CDH18: variants seen among roughly 807,000 people sequenced by gnomAD.
The protein encoded by CDH18 is cadherin 18.
Under a neutral mutation model 67.9 loss-of-function variants are expected in CDH18, and 31 were observed. The ratio of observed to expected loss-of-function variants is 0.46; its 90% CI spans 0.34 to 0.62. CDH18 has a LOEUF of 0.62. Ranked by LOEUF, CDH18 falls within the 20% of genes least tolerant of loss-of-function variation. CDH18 has a pLI of 0.01. For synonymous variants in CDH18, 362 were observed against 347.2 expected, an observed-to-expected ratio of 1.04 and a Z score of -0.48; for missense variants, 890 against 975.5, an observed-to-expected ratio of 0.91 and a Z score of 1.17.
At chr5:20,411,260 T>C (rs1319303667) in intron 1 of CDH18, among the ~76,000 whole-genome samples, 1 of 151,958 alleles carries the variant, frequency 6.6e-6, no homozygotes, top group Non-Finnish European at 1.5e-5. Context: ...AACCAACATA[T>C]AGACCAATAA....
rs1554098795 is a variant in CDH18, at chr5:20,172,230, A to ATATGTATATATATATATACG, written c.-518+83213_-518+83214insCGTATATATATATATACATA. ...TATATATATATATATATATGTATATATATATATATGTATATATATATATAT... is the reference window on the plus strand; with the variant it reads ...TATATATATATATATATATGTATATATATGTATATATATATATACGTATATATATGTATATATATATATAT... On this transcript the variant is annotated intron_variant, in intron 2 of 14. Transcript: ENST00000507958. Among the ~76,000 whole-genome samples, 17 of 96,688 alleles carry ATATGTATATATATATATACG rather than the reference A, an allele frequency of 1.8e-4. 1 individual carries two copies. The highest frequency in any genetic ancestry group is 1.1e-3 in the East Asian group (4 of 3,632). The allele number at this position is 96,688 out of a possible 152,430, so 63.4% of individuals were successfully genotyped here.
At chr5:19,725,323 C>T (rs1022389862) in intron 4 of CDH18, among the ~76,000 whole-genome samples, 4 of 152,122 alleles carry the variant, frequency 2.6e-5, no homozygotes, top group African/African-American at 4.8e-5. Flanking sequence ...TAGGCATCTA[C>T]GACTAAAAGT....
chr5:19,547,401 C>T (rs1389080993), intron 8 of CDH18, among the ~76,000 whole-genome samples: 2 of 152,320 alleles, frequency 1.3e-5, no homozygotes, highest in East Asian at 3.9e-4. Flanking sequence ...CAGCAACTAT[C>T]AGAAAAGCTC....
chr5:19,747,608 T>C (rs1770198729), intron 3 of CDH18, among the ~76,000 whole-genome samples: 1 of 152,074 alleles, frequency 6.6e-6, no homozygotes, highest in Admixed American at 6.5e-5. Context: ...AAATAATATA[T>C]TTGGTTTTAA....
intron 3 of CDH18, among the ~76,000 whole-genome samples, chr5:19,833,086 A>G (rs1260494744): frequency 6.6e-6 from 1 of 152,128 alleles, no homozygotes; most frequent in Non-Finnish European, 1.5e-5. Flanking sequence ...TTTGATGGGA[A>G]TAGCATTGAA....
intron 2 of CDH18, among the ~76,000 whole-genome samples, chr5:20,079,552 G>A (rs990750406): frequency 6.6e-6 from 1 of 152,084 alleles, no homozygotes; most frequent in African/African-American, 2.4e-5. Flanking sequence ...CATACTGATT[G>A]CAATTCCCCT....
chr5:19,913,634 G>A (rs1228687494), intron 2 of CDH18, among the ~76,000 whole-genome samples: 1 of 152,062 alleles, frequency 6.6e-6, no homozygotes, highest in Non-Finnish European at 1.5e-5. Context: ...AGAATAGAAA[G>A]TGGTTCTTCA....
At chr5:20,289,704 T>A (rs1232646569) in intron 1 of CDH18, among the ~76,000 whole-genome samples, 1 of 151,838 alleles carries the variant, frequency 6.6e-6, no homozygotes, top group Admixed American at 6.6e-5. Flanking sequence ...TATATTAAAA[T>A]ATATATTTTA....
intron 5 of CDH18, among the ~76,000 whole-genome samples, chr5:19,669,788 T>C (rs924250030): frequency 6.6e-6 from 1 of 152,210 alleles, no homozygotes; most frequent in Middle Eastern, 3.2e-3. Flanking sequence ...ACTCAGTAAC[T>C]ATTTCCTCTG....
intron 1 of CDH18, among the ~76,000 whole-genome samples, chr5:20,369,477 C>G (rs1319795354): frequency 6.6e-6 from 1 of 152,312 alleles, no homozygotes; most frequent in African/African-American, 2.4e-5. Flanking sequence ...AAAATGCTCG[C>G]TTTCAAAGTC....
chr5:20,056,800 C>T (rs1478339528), intron 2 of CDH18, among the ~76,000 whole-genome samples: 4 of 149,730 alleles, frequency 2.7e-5, no homozygotes, highest in Admixed American at 6.7e-5. Context: ...TCTCCTGCCT[C>T]AGTCTCCCGA....
At chr5:20,412,587 T>A (rs1450678060) in intron 1 of CDH18, among the ~76,000 whole-genome samples, 1 of 152,136 alleles carries the variant, frequency 6.6e-6, no homozygotes, top group Non-Finnish European at 1.5e-5. Flanking sequence ...AAATATTTGA[T>A]AACTATGCAT....
intron 8 of CDH18, among the ~76,000 whole-genome samples, chr5:19,564,037 C>A (rs1739934194): frequency 6.6e-6 from 1 of 152,212 alleles, no homozygotes; most frequent in Non-Finnish European, 1.5e-5. Context: ...TAGACCAGCA[C>A]AGGCTAGAGA....
At chr5:19,903,547 A>G (rs200142502) in intron 2 of CDH18, among the ~76,000 whole-genome samples, 7 of 32,524 alleles carry the variant, frequency 2.2e-4, no homozygotes, top group East Asian at 1.4e-3. Context: ...GTGTGTATAT[A>G]TATATATATA....
At chr5:20,171,412 C>CA (rs1157685949) in intron 2 of CDH18, among the ~76,000 whole-genome samples, 2 of 151,886 alleles carry the variant, frequency 1.3e-5, no homozygotes, top group Non-Finnish European at 2.9e-5. Context: ...CATTCTGAGT[C>CA]ATGAAATATG....
At chr5:20,547,033 A>G (rs572269170) in intron 1 of CDH18, among the ~76,000 whole-genome samples, 7 of 152,270 alleles carry the variant, frequency 4.6e-5, no homozygotes, top group Admixed American at 3.3e-4. Flanking sequence ...CAAAACACAG[A>G]GATGGCGCTA....
At chr5:20,318,730 A>T (rs1737696287) in intron 1 of CDH18, among the ~76,000 whole-genome samples, 1 of 152,192 alleles carries the variant, frequency 6.6e-6, no homozygotes, top group African/African-American at 2.4e-5. Context: ...TACAGCCTGC[A>T]GAGCCATGAG....
At chr5:20,249,099 T>C (rs1046371098) in intron 2 of CDH18, among the ~76,000 whole-genome samples, 1 of 152,204 alleles carries the variant, frequency 6.6e-6, no homozygotes, top group African/African-American at 2.4e-5. Flanking sequence ...TATCTTTGTT[T>C]CTAATATCAA....
intron 2 of CDH18, among the ~76,000 whole-genome samples, chr5:19,882,909 T>G (rs144677664): frequency 2.6e-5 from 4 of 152,288 alleles, no homozygotes; most frequent in Admixed American, 2.6e-4. Flanking sequence ...TTGGATGCAT[T>G]TTTGTTATCT....
Sources: allele counts gnomAD v4.1 joint callset (sites outside exome capture counted in the v4.1 genomes callset), GRCh38; gene constraint gnomAD v4.1.1; transcripts MANE v1.5; gene names NCBI Gene and HGNC (gene_info 2026-07-23, HGNC 2026-07-21).